CREBRF: variants seen among roughly 807,000 people sequenced by gnomAD.
CREBRF encodes the protein UPF0474 protein C5orf41.
CREBRF carries 5 observed loss-of-function variants against 66.1 expected under a neutral mutation model. The observed-to-expected ratio is 0.08, with a 90% CI of 0.04 to 0.16. CREBRF has a LOEUF of 0.16. Among genes scored for constraint, CREBRF ranks in the 10% least tolerant of loss-of-function variants. The pLI is 1.00. For missense variants in CREBRF, 531 were observed against 744.9 expected (o/e 0.71, Z 3.34); for synonymous variants, 229 against 264.4 (o/e 0.87, Z 1.30).
chr5:173,131,524 G>A (rs1759423516), intron 8 of CREBRF, among the ~76,000 whole-genome samples: 1 of 152,068 alleles, frequency 6.6e-6, no homozygotes, highest in South Asian at 2.1e-4. Flanking sequence ...CTTGTAAAAT[G>A]TCTCAACATT....
intron 8 of CREBRF, chr5:173,124,462 G>A (rs775920028): frequency 6.6e-6 from 1 of 151,332 alleles, no homozygotes; most frequent in Non-Finnish European, 1.5e-5. Context: ...GGAGGCTGAG[G>A]CAGGAGAATC....
At chr5:173,098,958 C>T (rs1189772528) in intron 4 of CREBRF, among the ~76,000 whole-genome samples, 1 of 151,462 alleles carries the variant, frequency 6.6e-6, no homozygotes, top group African/African-American at 2.4e-5. Flanking sequence ...CAGCTCACTG[C>T]AGTGTCAACT....
chr5:173,056,513 G>A (rs1227513074), intron 1 of CREBRF, 34 bp downstream of exon 1: 3 of 398,230 alleles, frequency 7.5e-6, no homozygotes, highest in Non-Finnish European at 1.3e-5. Context: ...GGAACCCCCA[G>A]GGGCCTGGGC....
At chr5:173,086,693 G>T in intron 3 of CREBRF, 67 bp downstream of exon 3, 2 of 1,417,470 alleles carry the variant, frequency 1.4e-6, no homozygotes, top group Non-Finnish European at 9.5e-7. Flanking sequence ...AGAGTTTTTT[G>T]TTTATAAATG....
chr5:173,124,574 A>AG (rs1248577237), intron 8 of CREBRF: 2 of 151,486 alleles, frequency 1.3e-5, no homozygotes, highest in Non-Finnish European at 2.9e-5. Context: ...AAAAAAAAAA[A>AG]AAAAGAAAAA....
intron 4 of CREBRF, among the ~76,000 whole-genome samples, chr5:173,101,049 C>T (rs1758617605): frequency 6.6e-6 from 1 of 151,848 alleles, no homozygotes; most frequent in Non-Finnish European, 1.5e-5. Context: ...ATATGGTGTT[C>T]TTTGTAGGGT....
At chr5:173,076,661 C>G (rs1270018117) in intron 1 of CREBRF, among the ~76,000 whole-genome samples, 1 of 149,724 alleles carries the variant, frequency 6.7e-6, no homozygotes, top group Non-Finnish European at 1.5e-5. Flanking sequence ...GAGGCTGAGG[C>G]ACAGCAATCG....
chr5:173,085,837 G>A, intron 2 of CREBRF: 1 of 786,056 alleles, frequency 1.3e-6, no homozygotes, highest in African/African-American at 1.7e-5. Context: ...GTTTGTTCTT[G>A]GCAAGTTTCT....
At chr5:173,069,410 A>G (rs1231204500) in intron 1 of CREBRF, among the ~76,000 whole-genome samples, 1 of 151,404 alleles carries the variant, frequency 6.6e-6, no homozygotes, top group Non-Finnish European at 1.5e-5. Context: ...CGCAATCTCT[A>G]CCTCCCGGGT....
At chr5:173,072,878 C>T (rs760492595) in intron 1 of CREBRF, among the ~76,000 whole-genome samples, 1 of 152,064 alleles carries the variant, frequency 6.6e-6, no homozygotes, top group Non-Finnish European at 1.5e-5. Flanking sequence ...GTGCTCAGTA[C>T]AAGGTAAGTG....
At chr5:173,112,414 C>G (rs1758892136) in intron 7 of CREBRF, 35 bp downstream of exon 7, 3 of 1,367,744 alleles carry the variant, frequency 2.2e-6, no homozygotes, top group Non-Finnish European at 1.0e-6. Context: ...GATTAACCAC[C>G]TATTGATTTG....
intron 7 of CREBRF, among the ~76,000 whole-genome samples, chr5:173,120,131 T>C (rs573081853): frequency 6.6e-6 from 1 of 152,244 alleles, no homozygotes; most frequent in Admixed American, 6.5e-5. Context: ...TTCTTTTTTT[T>C]AAAAGGTTTT....
At chr5:173,131,644 C>A (rs576539545) in intron 8 of CREBRF, among the ~76,000 whole-genome samples, 5 of 152,140 alleles carry the variant, frequency 3.3e-5, no homozygotes, top group African/African-American at 1.2e-4. Context: ...CAGATTGTCT[C>A]ATTATTTGTC....
chr5:173,076,928 A>C (rs1413095372), intron 1 of CREBRF, among the ~76,000 whole-genome samples: 6 of 151,884 alleles, frequency 4.0e-5, no homozygotes, highest in African/African-American at 1.5e-4. Flanking sequence ...TTAACTACAT[A>C]GCAGTATAAA....
chr5:173,085,857 AG>A (rs1758131331), intron 2 of CREBRF: 1 of 794,956 alleles, frequency 1.3e-6, no homozygotes, highest in Non-Finnish European at 2.3e-6. Flanking sequence ...TCAATAGTAG[AG>A]GGGTCATCTC....
chr5:173,069,717 C>T (rs1757543417), intron 1 of CREBRF, among the ~76,000 whole-genome samples: 1 of 152,106 alleles, frequency 6.6e-6, no homozygotes, highest in Non-Finnish European at 1.5e-5. Context: ...GCCAAAGTGG[C>T]ACCGAGCTTT....
chr5:173,075,925 GA>G (rs1217640611), intron 1 of CREBRF, among the ~76,000 whole-genome samples: 1 of 151,750 alleles, frequency 6.6e-6, no homozygotes. Context: ...TAATTTTAAA[GA>G]AAAGAGATTT....
chr5:173,074,607 A>T (rs954626150), intron 1 of CREBRF, among the ~76,000 whole-genome samples: 9 of 151,088 alleles, frequency 6.0e-5, no homozygotes, highest in Admixed American at 4.0e-4. Context: ...TTTATTTTTT[A>T]AAATTTTTAT....
At chr5:173,102,917 A>G (rs1758663082) in intron 4 of CREBRF, among the ~76,000 whole-genome samples, 1 of 151,960 alleles carries the variant, frequency 6.6e-6, no homozygotes, top group Non-Finnish European at 1.5e-5. Context: ...CTTTAACTCC[A>G]CTCTAAATTC....
Sources: gnomAD v4.1 joint callset for allele counts (sites outside exome capture counted in the v4.1 genomes callset) on GRCh38, gnomAD v4.1.1 for gene constraint, MANE v1.5 for transcripts, NCBI Gene and HGNC (gene_info 2026-07-23, HGNC 2026-07-21) for gene names.